SULT1C2: variants seen among roughly 807,000 people sequenced by gnomAD.
The protein encoded by SULT1C2 is sulfotransferase 1C2.
Under a neutral mutation model 36.0 loss-of-function variants are expected in SULT1C2, and 27 were observed. The ratio of observed to expected loss-of-function variants is 0.75; its 90% CI spans 0.55 to 1.03. The LOEUF is 1.03. Ranked by LOEUF, SULT1C2 falls within the 50% of genes least tolerant of loss-of-function variation. The pLI, the probability that SULT1C2 is intolerant of heterozygous loss-of-function variation, is 0.00. For synonymous variants in SULT1C2, 121 were observed against 116.0 expected (o/e 1.04, Z -0.27); for missense variants, 395 against 359.2 (o/e 1.10, Z -0.80).
chr2:108,306,375 C>T (rs1677025341), intron 7 of SULT1C2, among the ~76,000 whole-genome samples: 1 of 152,162 alleles, frequency 6.6e-6, no homozygotes, highest in East Asian at 1.9e-4. Context: ...AAAGCTGAGG[C>T]ATGAGGATTG....
In SULT1C2 at chr2:108,308,989, G is replaced by C. The variant is rs1043258254; in HGVS notation, c.*525G>C. On this transcript the variant is annotated 3_prime_UTR_variant, in exon 8 of 8. Transcript: ENST00000251481. ...AAACATGGCCTGAGTGCCCTCACTG[G>C]TGGGTGGGAATAAAATGGAAGTGCA... The C allele has an allele frequency of 6.5e-6, 1 of 152,768 alleles. No individual in the cohort carries two copies. The highest frequency in any genetic ancestry group is 6.5e-5 in the Admixed American group (1 of 15,330). 9.5% of individuals were successfully genotyped at this position (152,768 alleles called of 1,614,324 possible).
rs1003427505 is a variant in SULT1C2 at position 108,308,640 on chromosome 2, G to A, written c.*176G>A. Reference sequence around the variant, plus strand: ...CACTTCATTTTTTAAAAAGGATCACGTCTAATGCCCATTTTCCCAACTATT... The same window carrying A: ...CACTTCATTTTTTAAAAAGGATCACATCTAATGCCCATTTTCCCAACTATT... On this transcript the variant is annotated 3_prime_UTR_variant, in exon 8 of 8. Coordinates refer to ENST00000251481, the MANE Select transcript of SULT1C2 (RefSeq NM_001056.4). 84 of 531,582 alleles carry A rather than the reference G, an allele frequency of 1.6e-4. No individual in the cohort carries two copies. Among genetic ancestry groups the A allele is most frequent in the African/African-American group, 8.3e-4 (43 of 51,614 alleles). The allele number at this position is 531,582 out of a possible 1,614,324, so 32.9% of individuals were successfully genotyped here. A position where few individuals can be genotyped will look rare whatever the true frequency, so the allele number is the denominator to read the frequency against.
rs751563266 is a variant in SULT1C2, at chr2:108,294,230, G to C, written c.153G>C (p.Gly51=). The change falls in exon 3 of 8, where the codon GGG becomes GGC. Residue 51 remains glycine, a splice_region_variant and synonymous_variant. Transcript: ENST00000251481. ...TCATCCTTCCTTTCTGAGCCTCAGGGACAACGTGGATTCAGGAAATTGTGG... is the reference window on the plus strand; with the variant it reads ...TCATCCTTCCTTTCTGAGCCTCAGGCACAACGTGGATTCAGGAAATTGTGG... ...DLLICTYPKA[G]TTWIQEIVDM... is the part of the protein sequence containing the mutation. 6.2e-6 allele frequency: 10 copies of C among 1,613,726 alleles called. No individual in the cohort carries two copies. The highest frequency in any genetic ancestry group is 8.5e-7 in the Non-Finnish European group (1 of 1,179,818).
At chr2:108,296,428 G>C (rs1014600792) in intron 3 of SULT1C2, among the ~76,000 whole-genome samples, 1 of 150,160 alleles carries the variant, frequency 6.7e-6, no homozygotes, top group Non-Finnish European at 1.5e-5. Flanking sequence ...ATGCTGGCTG[G>C]AGACTCAGCT....
chr2:108,304,379 T>A, intron 4 of SULT1C2, 195 bp from the exon 5 acceptor site: 1 of 494,190 alleles, frequency 2.0e-6, no homozygotes, highest in Non-Finnish European at 3.5e-6. Context: ...AAGGACTGAG[T>A]TTGAAGTAGA....
At chr2:108,305,790 C>T (rs1445589831) in intron 7 of SULT1C2, 195 bp downstream of exon 7, 8 of 690,768 alleles carry the variant, frequency 1.2e-5, no homozygotes, top group African/African-American at 1.8e-5. Context: ...TATTTGGTTG[C>T]AAGGAACAGA....
rs1368432776 is a variant in SULT1C2, at chr2:108,300,889, T to C, written c.329T>C (p.Leu110Pro). Residue 110 changes from leucine (L) to proline (P), a missense_variant, in exon 4 of 8, where the codon CTT (leucine) becomes CCT (proline). By Grantham distance (98) the Leu-to-Pro change is moderately conservative (BLOSUM62 -3). Transcript: ENST00000251481. ...TCTCCACGGATACTAAAGACTCACC[T>C]TTCCACTCAGCTGCTGCCACCGTCT... ...MPSPRILKTH[L>P]STQLLPPSFW... The C allele has an allele frequency of 1.2e-6, 2 of 1,614,174 alleles. No homozygotes were observed. Among genetic ancestry groups the C allele is most frequent in the Non-Finnish European group, 8.5e-7 (1 of 1,180,026 alleles).
At chr2:108,307,160 T>C (rs1239491617) in intron 7 of SULT1C2, among the ~76,000 whole-genome samples, 4 of 152,204 alleles carry the variant, frequency 2.6e-5, no homozygotes, top group Admixed American at 2.6e-4. Flanking sequence ...CAGTATTCCA[T>C]ACCAATGAAA....
Position 108,309,636 on chromosome 2 carries a change from T to TA in SULT1C2, c.*1176dup, listed in dbSNP as rs1677107022. 6.6e-6 allele frequency: 1 copy of TA among 152,106 alleles called. No individual in the cohort carries two copies. The highest frequency in any genetic ancestry group is 1.5e-5 in the Non-Finnish European group (1 of 68,022). 9.4% of individuals were successfully genotyped at this position (152,106 alleles called of 1,614,324 possible). A position where few individuals can be genotyped will look rare whatever the true frequency, so the allele number is the denominator to read the frequency against. On this transcript the variant is annotated 3_prime_UTR_variant, in exon 8 of 8. Coordinates refer to ENST00000251481, the MANE Select transcript of SULT1C2 (RefSeq NM_001056.4). ...GTTGGATTTCGTAGGGTATTTTTTT[T>TA]AAAATAGGGTCTTGCTATGTTGCCC...
At chr2:108,305,664 T>C (rs1677006475) in intron 7 of SULT1C2, 69 bp downstream of exon 7, 3 of 1,548,086 alleles carry the variant, frequency 1.9e-6, no homozygotes, top group African/African-American at 1.4e-5. Flanking sequence ...TAGCAGACAA[T>C]ATTGAGTTTT....
intron 1 of SULT1C2, among the ~76,000 whole-genome samples, chr2:108,289,696 T>A (rs1187902093): frequency 6.6e-6 from 1 of 152,176 alleles, no homozygotes; most frequent in East Asian, 1.9e-4. Flanking sequence ...TCTACATGCC[T>A]GACTCTCCAA....
chr2:108,297,310 T>C (rs1303393725), intron 3 of SULT1C2, among the ~76,000 whole-genome samples: 1 of 152,170 alleles, frequency 6.6e-6, no homozygotes, highest in East Asian at 1.9e-4. Context: ...CCTGAAATGA[T>C]AAACTGTTGT....
intron 7 of SULT1C2, 34 bp downstream of exon 7, chr2:108,305,629 G>C (rs750126618): frequency 6.2e-7 from 1 of 1,612,266 alleles, no homozygotes. Context: ...CATTCAGATT[G>C]TCTCGTAACA....
Position 108,304,668 on chromosome 2 carries a change from A to G in SULT1C2, c.470A>G (p.Glu157Gly). 6.2e-7 allele frequency: 1 copy of G among 1,613,746 alleles called. No individual in the cohort carries two copies. The highest frequency in any genetic ancestry group is 8.5e-7 in the Non-Finnish European group (1 of 1,179,882). The stretch of plus-strand genomic sequence containing the variant: ...ATGCTTCCTGACCCTGGTACCTGGG[A>G]AGAGTATTTTGAAACCTTCATCAAT... ...NHMLPDPGTW[E>G]EYFETFINGK... Residue 157 changes from glutamate to glycine, a missense_variant, in exon 5 of 8, where the codon GAA (glutamate) becomes GGA (glycine). Glu to Gly is a moderately conservative substitution (Grantham distance 98, BLOSUM62 -2). Coordinates refer to ENST00000251481, the MANE Select transcript of SULT1C2 (RefSeq NM_001056.4).
At chr2:108,307,914 T>A (rs143462458) in intron 7 of SULT1C2, among the ~76,000 whole-genome samples, 4 of 152,220 alleles carry the variant, frequency 2.6e-5, no homozygotes, top group Admixed American at 6.5e-5. Flanking sequence ...TTTCTATTAC[T>A]CTAGATTGAT....
chr2:108,301,015 T>C (rs1676856745), intron 4 of SULT1C2, 80 bp downstream of exon 4: 1 of 1,560,844 alleles, frequency 6.4e-7, no homozygotes, highest in Non-Finnish European at 8.7e-7. Context: ...ACGCAGAGCA[T>C]TCGTGATCAC....
chr2:108,302,233 G>A (rs1205670194), intron 4 of SULT1C2: 3 of 152,136 alleles, frequency 2.0e-5, no homozygotes, highest in Non-Finnish European at 4.4e-5. Flanking sequence ...GCTGCACAGG[G>A]ACAGGGTCAA....
rs1466990516 is a variant in SULT1C2 at position 108,305,163 on chromosome 2, CTA to C, written c.503-7_503-6del. On this transcript the variant is annotated splice_polypyrimidine_tract_variant and splice_region_variant and intron_variant, in intron 5 of 7. Transcript: ENST00000251481. ...ATGTAGACTATTCTGTTTCCTGTGT[CTA>C]TTTCAGTGGTTTGGGGTTCCTGGTT... 1 of 1,613,960 alleles carries C rather than the reference CTA, an allele frequency of 6.2e-7. No homozygotes were observed. Among genetic ancestry groups the C allele is most frequent in the East Asian group, 2.2e-5 (1 of 44,894 alleles).
intron 7 of SULT1C2, among the ~76,000 whole-genome samples, chr2:108,307,642 C>A (rs1234212974): frequency 2.0e-5 from 3 of 152,098 alleles, no homozygotes; most frequent in Non-Finnish European, 4.4e-5. Flanking sequence ...AGAATTTCCC[C>A]TGTTTAAAAT....
Sources: allele counts gnomAD v4.1 joint callset (sites outside exome capture counted in the v4.1 genomes callset), GRCh38; gene constraint gnomAD v4.1.1; transcripts MANE v1.5; gene names NCBI Gene and HGNC (gene_info 2026-07-23, HGNC 2026-07-21).